The following DLG2 variants were observed in gnomAD, a reference collection of about 807,000 sequenced individuals.
DLG2 encodes the protein disks large homolog 2.
In DLG2, 45 loss-of-function variants were observed where a neutral mutation model predicts 132.5. That is an observed-to-expected ratio of 0.34 (90% CI 0.27 to 0.44). The LOEUF is 0.44. Ranked by LOEUF, DLG2 falls within the 20% of genes least tolerant of loss-of-function variation. DLG2 has a pLI of 1.00. For missense variants in DLG2, 1,045 were observed against 1,196.9 expected (o/e 0.87, Z 1.87); for synonymous variants, 424 against 419.6 (o/e 1.01, Z -0.13).
At chr11:84,166,672 T>C (rs1369118190) in intron 8 of DLG2, among the ~76,000 whole-genome samples, 3 of 152,140 alleles carry the variant, frequency 2.0e-5, no homozygotes, top group Admixed American at 2.0e-4. Flanking sequence ...TCTACAGTGG[T>C]TGCTTACTGA....
rs144940307 is a variant in DLG2 at position 83,677,805 on chromosome 11, GA to G, written c.1826-44481del. Among the ~76,000 whole-genome samples, 1,263 of 152,266 alleles carry G rather than the reference GA, an allele frequency of 8.3e-3. 8 individuals are homozygous for G. The highest frequency in any genetic ancestry group is 0.013 in the Non-Finnish European group (885 of 68,008). ...CTTTGTCTCCAATGTGACATAAGAT[GA>G]AAAGGAACTATTGGGAGAATGATGC... is the stretch of plus-strand genomic sequence containing the variant. On this transcript the variant is annotated intron_variant, in intron 18 of 27. Transcript: ENST00000376104.
rs146766200 is a variant in DLG2, at chr11:85,373,905, T to A, written c.41-88540A>T. ...AATTTAGGACAACTCTGAAAGGATATCTGAGTTTCAGAGCTCCTGTGGATC... is the reference window on the plus strand; with the variant it reads ...AATTTAGGACAACTCTGAAAGGATAACTGAGTTTCAGAGCTCCTGTGGATC... On this transcript the variant is annotated intron_variant, in intron 3 of 27. Transcript: ENST00000376104. Among the ~76,000 whole-genome samples, 267 of 152,270 alleles carry A rather than the reference T, an allele frequency of 1.8e-3. 1 individual carries two copies. Among genetic ancestry groups the A allele is most frequent in the African/African-American group, 6.2e-3 (259 of 41,568 alleles).
At chr11:84,363,610 C>T (rs2098664035) in intron 7 of DLG2, among the ~76,000 whole-genome samples, 1 of 151,610 alleles carries the variant, frequency 6.6e-6, no homozygotes, top group African/African-American at 2.4e-5. Context: ...AATGGTAATG[C>T]CTAGGTTTTC....
At chr11:85,349,578 C>G (rs1339212070) in intron 3 of DLG2, among the ~76,000 whole-genome samples, 1 of 152,154 alleles carries the variant, frequency 6.6e-6, no homozygotes, top group South Asian at 2.1e-4. Flanking sequence ...TACCCTCCAA[C>G]AGGCCCCAGT....
chr11:85,191,502 A>C (rs1229484757), intron 4 of DLG2, among the ~76,000 whole-genome samples: 1 of 152,184 alleles, frequency 6.6e-6, no homozygotes, highest in Non-Finnish European at 1.5e-5. Context: ...GGCTAGCTTG[A>C]AAAAATTTAC....
chr11:85,248,095 A>G (rs1226782138), intron 4 of DLG2, among the ~76,000 whole-genome samples: 2 of 152,074 alleles, frequency 1.3e-5, no homozygotes, highest in African/African-American at 4.8e-5. Flanking sequence ...TATCTATTAT[A>G]TCTGTGTAGC....
At chr11:84,716,461 G>A (rs2061238859) in intron 6 of DLG2, among the ~76,000 whole-genome samples, 2 of 152,008 alleles carry the variant, frequency 1.3e-5, no homozygotes, top group African/African-American at 4.8e-5. Flanking sequence ...CCTTTGCAAT[G>A]CAGCTATAGA....
At chr11:84,047,911 T>C (rs1242229879) in intron 11 of DLG2, among the ~76,000 whole-genome samples, 8 of 151,596 alleles carry the variant, frequency 5.3e-5, no homozygotes, top group Admixed American at 4.6e-4. Flanking sequence ...AGTGGCAATA[T>C]TTGTAGTTTG....
chr11:85,176,184 G>A (rs933063799), intron 4 of DLG2, among the ~76,000 whole-genome samples: 2 of 152,094 alleles, frequency 1.3e-5, no homozygotes, highest in Non-Finnish European at 2.9e-5. Context: ...GAACAAAGCT[G>A]GAGACATCAG....
At chr11:84,703,887 C>CGTGTGTGT (rs370287195) in intron 6 of DLG2, among the ~76,000 whole-genome samples, 33 of 114,710 alleles carry the variant, frequency 2.9e-4, no homozygotes, top group African/African-American at 1.2e-3. Flanking sequence ...TATATATACA[C>CGTGTGTGT]GTGTGTGTGT....
chr11:84,880,387 C>T (rs774850454), intron 6 of DLG2, among the ~76,000 whole-genome samples: 8 of 152,092 alleles, frequency 5.3e-5, no homozygotes, highest in Non-Finnish European at 8.8e-5. Context: ...TATTTCAGAG[C>T]CCCTTCCTAT....
At chr11:84,824,521 G>A (rs1187769434) in intron 6 of DLG2, among the ~76,000 whole-genome samples, 1 of 151,874 alleles carries the variant, frequency 6.6e-6, no homozygotes, top group Non-Finnish European at 1.5e-5. Flanking sequence ...TTCTTGAGAA[G>A]GTTGCTTTTT....
chr11:84,550,265 CAA>C (rs2099399341), intron 6 of DLG2, among the ~76,000 whole-genome samples: 2 of 152,116 alleles, frequency 1.3e-5, no homozygotes, highest in Non-Finnish European at 2.9e-5. Flanking sequence ...CAGAACAGCA[CAA>C]ACTTTCTGAA....
At chr11:83,771,885 G>A (rs2094407687) in intron 18 of DLG2, among the ~76,000 whole-genome samples, 1 of 152,150 alleles carries the variant, frequency 6.6e-6, no homozygotes, top group Non-Finnish European at 1.5e-5. Context: ...AGATGTCTAT[G>A]ATATGAAACT....
At chr11:84,752,176 T>C (rs2066207012) in intron 6 of DLG2, among the ~76,000 whole-genome samples, 2 of 152,214 alleles carry the variant, frequency 1.3e-5, no homozygotes, top group Admixed American at 1.3e-4. Flanking sequence ...TGCCTGGCTT[T>C]CTAGCCTTGG....
At chr11:85,426,076 A>G (rs2090702633) in intron 3 of DLG2, among the ~76,000 whole-genome samples, 1 of 152,230 alleles carries the variant, frequency 6.6e-6, no homozygotes, top group South Asian at 2.1e-4. Context: ...GCAAGGTGGC[A>G]GCAAGGCTGA....
At chr11:83,472,529 C>T (rs2092174469) in intron 23 of DLG2, among the ~76,000 whole-genome samples, 198 bp downstream of exon 23, 1 of 152,122 alleles carries the variant, frequency 6.6e-6, no homozygotes, top group African/African-American at 2.4e-5. Context: ...AGTGCCCATA[C>T]TCAGCAGGAA....
intron 11 of DLG2, among the ~76,000 whole-genome samples, chr11:83,994,121 T>C (rs1405719734): frequency 6.6e-6 from 1 of 152,182 alleles, no homozygotes; most frequent in Non-Finnish European, 1.5e-5. Context: ...CTTTATCTCA[T>C]TTTTAGTGAT....
chr11:83,635,337 T>G (rs17145854), intron 18 of DLG2, among the ~76,000 whole-genome samples: 1 of 152,218 alleles, frequency 6.6e-6, no homozygotes, highest in Non-Finnish European at 1.5e-5. Context: ...AAGAGTCAAT[T>G]AACATTTATT....
Sources: gnomAD v4.1 joint callset for allele counts (sites outside exome capture counted in the v4.1 genomes callset) on GRCh38, gnomAD v4.1.1 for gene constraint, MANE v1.5 for transcripts, NCBI Gene and HGNC (gene_info 2026-07-23, HGNC 2026-07-21) for gene names.